ARHGEF1: variants seen among roughly 807,000 people sequenced by gnomAD.
ARHGEF1 encodes 115 kDa guanine nucleotide exchange factor.
A neutral mutation model predicts 119.7 loss-of-function variants in ARHGEF1; 40 were observed. That is an observed-to-expected ratio of 0.33 (90% CI 0.26 to 0.44). ARHGEF1 has a LOEUF of 0.44. Ranked by LOEUF, ARHGEF1 falls within the 20% of genes least tolerant of loss-of-function variation. ARHGEF1 has a pLI of 1.00. For missense variants in ARHGEF1, 976 were observed against 1,268.3 expected (o/e 0.77, Z 3.50); for synonymous variants, 494 against 521.0 (o/e 0.95, Z 0.71).
upstream of ARHGEF1, among the ~76,000 whole-genome samples, chr19:41,918,765 CTACCACACACA>C (rs1716167948): frequency 6.7e-6 from 1 of 149,138 alleles, no homozygotes; most frequent in Non-Finnish European, 1.5e-5. Flanking sequence ...ACATATACAT[CTACCACACACA>C]TACCACACAC....
In ARHGEF1 at chr19:41,925,315, T is replaced by C. The variant is rs138026316; in HGVS notation, c.140+2082T>C. Among the ~76,000 whole-genome samples, 802 of 151,880 alleles carry C rather than the reference T, an allele frequency of 5.3e-3. 5 individuals carry two copies. Among genetic ancestry groups the C allele is most frequent in the Non-Finnish European group, 8.5e-3 (574 of 67,918 alleles). On this transcript the variant is annotated intron_variant, in intron 1 of 2. Transcript: ENST00000594417. ...AGAGAGAGAGAGAAACATGGGAAAT[T>C]AGGTATGTGGGAAAGAAGAGAAGTG...
At chr19:41,908,383 C>T (rs1457056727), downstream of ARHGEF1, 3 of 1,231,234 alleles carry the variant, frequency 2.4e-6, no homozygotes, top group African/African-American at 4.7e-5. The surrounding 1 kb of genome is among the most constrained non-coding windows in gnomAD (Gnocchi z 6.7). Flanking sequence ...GGACCCCCAG[C>T]CCCTGGCAGC....
Position 41,888,699 on chromosome 19 carries a change from C to T in ARHGEF1, c.112-53C>T, listed in dbSNP as rs1555845688. On this transcript the variant is annotated intron_variant, in intron 3 of 28. Transcript: ENST00000354532. This position sits in a 1 kb window ranked among gnomAD's most constrained non-coding sequence, Gnocchi z 5.1. ...AGTGCCAGGAATGGGTAGGGTCAACCCTAAGGCCCCTCCTCTTCTCCCCAT... is the reference window on the plus strand; with the variant it reads ...AGTGCCAGGAATGGGTAGGGTCAACTCTAAGGCCCCTCCTCTTCTCCCCAT... 2.6e-6 allele frequency: 4 copies of T among 1,545,824 alleles called. No homozygotes were observed. Among genetic ancestry groups the T allele is most frequent in the Non-Finnish European group, 3.6e-6 (4 of 1,119,816 alleles).
Position 41,906,791 on chromosome 19 carries a change from C to T in ARHGEF1, c.*5C>T, listed in dbSNP as rs1479152384. The T allele has an allele frequency of 6.2e-7, 1 of 1,609,080 alleles. No individual in the cohort carries two copies. The highest frequency in any genetic ancestry group is 8.5e-7 in the Non-Finnish European group (1 of 1,177,736). ...CCCCAGCCTGGCTGCACTTGAGGTT[C>T]CCGCCCAGGAAGGTGAGTGGGGCAC... On this transcript the variant is annotated 3_prime_UTR_variant, in exon 28 of 29. Coordinates refer to ENST00000354532, the MANE Select transcript of ARHGEF1 (RefSeq NM_004706.4). The surrounding 1 kb of genome is among the most constrained non-coding windows in gnomAD (Gnocchi z 4.5).
chr19:41,901,895 G>A lies in ARHGEF1; in HGVS notation c.1276G>A (p.Val426Met). The A allele has an allele frequency of 6.2e-7, 1 of 1,610,446 alleles. No individual in the cohort carries two copies. The highest frequency in any genetic ancestry group is 8.5e-7 in the Non-Finnish European group (1 of 1,179,996). ...CTTTGGTGGCCCTGCAGAGCTGCTG[G>A]TGACAGAGGCGGCCCACGTGCGCAT... ...KRQEVISELL[V>M]TEAAHVRMLR... Residue 426 changes from valine (V) to methionine (M), a missense_variant, in exon 15 of 29, where the codon GTG becomes ATG. Transcript: ENST00000354532.
rs1555849676 is a variant in ARHGEF1 at position 41,904,317 on chromosome 19, G to A, written c.2095G>A (p.Asp699Asn). 1 of 1,608,932 alleles carries A rather than the reference G, an allele frequency of 6.2e-7. No homozygotes were observed. The highest frequency in any genetic ancestry group is 8.5e-7 in the Non-Finnish European group (1 of 1,178,782). ...TAGCCGGACACTGACGCCCACGCCCGATGGCAAGACCATGCTGCGGCCCGT... is the reference window on the plus strand; with the variant it reads ...TAGCCGGACACTGACGCCCACGCCCAATGGCAAGACCATGCTGCGGCCCGT... ...SHSRTLTPTP[D>N]GKTMLRPVLR... Residue 699 changes from aspartate to asparagine, a missense_variant, in exon 22 of 29, where the codon GAT (aspartate) becomes AAT (asparagine). By Grantham distance (23) the Asp-to-Asn change is conservative (BLOSUM62 1). Transcript: ENST00000354532. This position sits in a 1 kb window ranked among gnomAD's most constrained non-coding sequence, Gnocchi z 8.4.
intron 1 of ARHGEF1, among the ~76,000 whole-genome samples, chr19:41,926,717 G>A (rs369473027): frequency 3.2e-4 from 49 of 152,260 alleles, no homozygotes; most frequent in Non-Finnish European, 4.3e-4. Context: ...CGGCCGGGAG[G>A]GGGGAGCGGG....
At chr19:41,915,834 G>C (rs942987949) in intron 18 of ARHGEF1, among the ~76,000 whole-genome samples, 1 of 152,134 alleles carries the variant, frequency 6.6e-6, no homozygotes, top group Non-Finnish European at 1.5e-5. Context: ...GCGGGGCCTG[G>C]GGCTGCAGGG....
Position 41,905,755 on chromosome 19 carries a change from C to A in ARHGEF1, c.2337-5C>A. Reference sequence around the variant, plus strand: ...GTGGGGTCACCCAGCACTTCCTCCCCTCAGCACCCGAGAACCCCTCCTCAG... The same window carrying A: ...GTGGGGTCACCCAGCACTTCCTCCCATCAGCACCCGAGAACCCCTCCTCAG... On this transcript the variant is annotated splice_polypyrimidine_tract_variant and splice_region_variant and intron_variant, in intron 24 of 28. Transcript: ENST00000354532. This position sits in a 1 kb window ranked among gnomAD's most constrained non-coding sequence, Gnocchi z 6.4. The A allele has an allele frequency of 1.2e-6, 2 of 1,614,014 alleles. No individual in the cohort carries two copies. Among genetic ancestry groups the A allele is most frequent in the Non-Finnish European group, 1.7e-6 (2 of 1,179,982 alleles).
intron 13 of ARHGEF1, chr19:41,898,218 T>C (rs1160014217): frequency 4.1e-5 from 56 of 1,372,432 alleles, no homozygotes; most frequent in Non-Finnish European, 5.0e-5. Context: ...ACCGAGGTCA[T>C]TGAGGCCAAC....
rs35081387 is a variant in ARHGEF1, at chr19:41,905,480, G to GGT, written c.2336+228_2336+229dup. On this transcript the variant is annotated intron_variant, in intron 24 of 28. Coordinates refer to ENST00000354532, the MANE Select transcript of ARHGEF1 (RefSeq NM_004706.4). The surrounding 1 kb of genome is among the most constrained non-coding windows in gnomAD (Gnocchi z 6.4). ...TGCGTGTGCATGTGTGTGCGTGTAT[G>GGT]GTGTGTGTGTATGCATATGTGTGCA... The GGT allele has an allele frequency of 7.0e-5, 43 of 614,450 alleles. No individual in the cohort carries two copies. Among genetic ancestry groups the GGT allele is most frequent in the Middle Eastern group, 4.4e-4 (1 of 2,290 alleles). The allele number at this position is 614,450 out of a possible 1,614,324, so 38.1% of individuals were successfully genotyped here.
At chr19:41,912,037 C>G (rs1039554579), downstream of ARHGEF1, among the ~76,000 whole-genome samples, 38 of 152,016 alleles carry the variant, frequency 2.5e-4, no homozygotes, top group African/African-American at 8.9e-4. Context: ...CGAGACAGAC[C>G]GCAAGAAACA....
chr19:41,923,089 C>G (rs2074851517), upstream of ARHGEF1: 1 of 454,572 alleles, frequency 2.2e-6, no homozygotes, highest in Admixed American at 2.4e-5. Context: ...TTGCTTCCCT[C>G]AGCACCCCAT....
intron 2 of ARHGEF1, among the ~76,000 whole-genome samples, chr19:41,929,479 C>T (rs1187983059): frequency 1.3e-5 from 2 of 152,172 alleles, no homozygotes; most frequent in African/African-American, 4.8e-5. Context: ...GGGTCAGACC[C>T]ACAGTTCAGC....
downstream of ARHGEF1, chr19:41,908,653 G>C: frequency 4.9e-6 from 6 of 1,231,720 alleles, no homozygotes; most frequent in Non-Finnish European, 6.1e-6. The surrounding 1 kb of genome is among the most constrained non-coding windows in gnomAD (Gnocchi z 6.7). Context: ...AGCAGGCCAG[G>C]GGGCTTGGAA....
chr19:41,896,767 CTCCT>C, intron 13 of ARHGEF1: 1 of 568,930 alleles, frequency 1.8e-6, no homozygotes, highest in Admixed American at 2.2e-5. Flanking sequence ...CTCTCCACCA[CTCCT>C]TCCATCTCCT....
chr19:41,924,543 G>A (rs560074722), intron 1 of ARHGEF1, among the ~76,000 whole-genome samples: 2 of 152,112 alleles, frequency 1.3e-5, no homozygotes, highest in Admixed American at 6.5e-5. Flanking sequence ...TCTCGTTGTC[G>A]CCATCAGTAT....
chr19:41,894,155 T>TGCGC lies in ARHGEF1; in HGVS notation c.645-51_645-50insCGCG. On this transcript the variant is annotated intron_variant, in intron 8 of 28. Coordinates refer to ENST00000354532, the MANE Select transcript of ARHGEF1 (RefSeq NM_004706.4). ...GTGTGAGTGTGTGTGTGTGTGTGTG[T>TGCGC]GTGTGTGTGTGTCTTTGTGTGTGTT... 4.8e-6 allele frequency: 5 copies of TGCGC among 1,052,446 alleles called. No individual in the cohort carries two copies. The African/African-American group carries it at 7.4e-5, about 16-fold the overall frequency. 65.2% of individuals were successfully genotyped at this position (1,052,446 alleles called of 1,614,324 possible). A position where few individuals can be genotyped will look rare whatever the true frequency, so the allele number is the denominator to read the frequency against.
chr19:41,897,214 C>A, intron 13 of ARHGEF1: 1 of 1,195,500 alleles, frequency 8.4e-7, no homozygotes, highest in Non-Finnish European at 1.1e-6. Flanking sequence ...TGCCTCCTGC[C>A]CGTCCTTGTG....
Sources: allele counts gnomAD v4.1 joint callset (sites outside exome capture counted in the v4.1 genomes callset), GRCh38; gene constraint gnomAD v4.1.1; non-coding constraint Gnocchi (gnomAD v3.1); transcripts MANE v1.5; gene names NCBI Gene and HGNC (gene_info 2026-07-23, HGNC 2026-07-21).